The following APOB variants were observed in gnomAD, a reference collection of about 807,000 sequenced individuals.
APOB encodes apolipoprotein B-100.
APOB carries 153 observed loss-of-function variants against 314.1 expected under a neutral mutation model. The ratio of observed to expected loss-of-function variants is 0.49; its 90% CI spans 0.43 to 0.56. APOB has a LOEUF of 0.56. APOB is among the 20% of genes least tolerant of loss of function. The probability of loss-of-function intolerance (pLI) is 0.00; values close to 1 mark genes in which losing one functional copy is unlikely to be tolerated. For missense variants in APOB, 5,430 were observed against 5,350.7 expected (o/e 1.01, Z -0.46); for synonymous variants, 2,087 against 2,036.4 (o/e 1.02, Z -0.67).
chr2:21,012,039 C>A lies in APOB; in HGVS notation c.4829G>T (p.Arg1610Met). 6.2e-7 allele frequency: 1 copy of A among 1,614,174 alleles called. No individual in the cohort carries two copies. Among genetic ancestry groups the A allele is most frequent in the East Asian group, 2.2e-5 (1 of 44,876 alleles). ...SEYQADYESL[R>M]FFSLLSGSLN... ...TGATCCAGAAAGCAGGCTGAAGAAC[C>A]TCAATGACTCGTAATCAGCCTGATA... Residue 1610 changes from arginine to methionine, a missense_variant, in exon 26 of 29, where the codon AGG becomes ATG. Arg to Met is a moderately conservative substitution (Grantham distance 91). Transcript: ENST00000233242.
Position 21,044,013 on chromosome 2 carries a change from G to C in APOB, c.-68C>G, listed in dbSNP as rs1342759015. On this transcript the variant is annotated 5_prime_UTR_variant, in exon 1 of 29. Coordinates refer to ENST00000233242, the MANE Select transcript of APOB (RefSeq NM_000384.3). ...CGGCCTCGCGGCCCTGGCTGGCTGG[G>C]CGGGCTCCTCAGCGGCAGCAACCGA... 1.2e-6 allele frequency: 1 copy of C among 853,870 alleles called. No homozygotes were observed. The highest frequency in any genetic ancestry group is 1.5e-6 in the Non-Finnish European group (1 of 650,838). The allele number at this position is 853,870 out of a possible 1,614,324, so 52.9% of individuals were successfully genotyped here.
At chr2:21,041,208 C>A (rs570307344) in intron 3 of APOB, 125 bp from the exon 4 acceptor site, 394 of 942,420 alleles carry the variant, frequency 4.2e-4, no homozygotes, top group Non-Finnish European at 6.0e-4. Context: ...CCACTGCCTG[C>A]GCCTCAACAC....
chr2:21,038,077 G>T lies in APOB; in HGVS notation c.418C>A (p.Gln140Lys). The T allele has an allele frequency of 6.2e-7, 1 of 1,614,164 alleles. No individual in the cohort carries two copies. Among genetic ancestry groups the T allele is most frequent in the Non-Finnish European group, 8.5e-7 (1 of 1,180,034 alleles). ...TCTTTCTCCGGGTAAAGGAAAACCT[G>T]CTTCCCTTCTGGAATGGCCAGCTTG... ...ELKLAIPEGK[Q>K]VFLYPEKDEP... Residue 140 changes from glutamine (Q) to lysine (K), a missense_variant, in exon 5 of 29, where the codon CAG (glutamine) becomes AAG (lysine). By Grantham distance (53) the Gln-to-Lys change is moderately conservative. This residue lies in a region of APOB where 2,085 missense variants were observed against 2,079.7 expected (regional missense o/e 1.00). Coordinates refer to ENST00000233242, the MANE Select transcript of APOB (RefSeq NM_000384.3).
In APOB at chr2:21,032,452, G is replaced by A. The variant is rs985467277; in HGVS notation, c.1254C>T (p.Ile418=). 6.2e-7 allele frequency: 1 copy of A among 1,614,154 alleles called. No homozygotes were observed. The highest frequency in any genetic ancestry group is 8.5e-7 in the Non-Finnish European group (1 of 1,180,040). The part of the protein sequence containing the change: ...IDVVTYLVAL[I]PEPSAQQLRE... ...GCAGCTGCTGTGCTGAGGGCTCGGG[G>A]ATCAGGGCCACCAGGTAGGTGACCA... is the stretch of plus-strand genomic sequence containing the variant. Residue 418 remains isoleucine (I), a synonymous_variant, in exon 10 of 29, where the codon ATC becomes ATT. Transcript: ENST00000233242.
intron 25 of APOB, 105 bp from the exon 26 acceptor site, chr2:21,012,756 A>C: frequency 8.2e-7 from 1 of 1,217,842 alleles, no homozygotes; most frequent in Non-Finnish European, 1.2e-6. Flanking sequence ...TTCTGGGCCA[A>C]TTGTGCAATA....
chr2:21,022,806 A>T, intron 18 of APOB, 25 bp downstream of exon 18: 1 of 1,609,206 alleles, frequency 6.2e-7, no homozygotes, highest in Non-Finnish European at 8.5e-7. Context: ...CAAACTGGCT[A>T]GGCAGACTTG....
chr2:21,026,462 C>A (rs1413359176), intron 15 of APOB, among the ~76,000 whole-genome samples: 2 of 151,988 alleles, frequency 1.3e-5, no homozygotes, highest in African/African-American at 4.8e-5. Flanking sequence ...GTTGGCCAGG[C>A]TGGTCTCAAA....
chr2:21,016,749 C>T (rs1200865732), intron 20 of APOB, 100 bp from the exon 21 acceptor site: 14 of 775,370 alleles, frequency 1.8e-5, no homozygotes, highest in African/African-American at 5.1e-5. Context: ...CTTTGGGAGG[C>T]CAAGGCGGGC....
chr2:21,023,560 C>T lies in APOB; in HGVS notation c.2569G>A (p.Gly857Arg), dbSNP rs145580236. The T allele has an allele frequency of 2.9e-5, 47 of 1,614,034 alleles. No homozygotes were observed. The highest frequency in any genetic ancestry group is 2.7e-4 in the East Asian group (12 of 44,880). Residue 857 changes from glycine to arginine, a missense_variant, in exon 17 of 29, where the codon GGA becomes AGA. Coordinates refer to ENST00000233242, the MANE Select transcript of APOB (RefSeq NM_000384.3). ...TCCAGTTTTACTCCAGCCTTGGCTC[C>T]GGGAGCAATGACTCCAGATGAAGAT... Reference protein sequence around the residue: ...QISSSGVIAPGAKAGVKLEVA... With the variant: ...QISSSGVIAPRAKAGVKLEVA...
At chr2:21,031,831 C>T (rs540206046) in intron 10 of APOB, among the ~76,000 whole-genome samples, 2 of 151,806 alleles carry the variant, frequency 1.3e-5, no homozygotes, top group African/African-American at 4.8e-5. Flanking sequence ...GCCTGGGTGA[C>T]ACAGTGAGAC....
chr2:21,042,298 C>T lies in APOB; in HGVS notation c.237+63G>A, dbSNP rs1558577731. On this transcript the variant is annotated intron_variant, in intron 3 of 28. Coordinates refer to ENST00000233242, the MANE Select transcript of APOB (RefSeq NM_000384.3). ...CCGGGAAGGTCGCGTGTTGGGCGCC[C>T]GCTGGAACAGGGCTGGGGGAAAGCT... 14 of 1,353,150 alleles carry T rather than the reference C, an allele frequency of 1.0e-5. No individual in the cohort carries two copies. The South Asian group carries it at 1.4e-4, about 14-fold the overall frequency. The allele number at this position is 1,353,150 out of a possible 1,614,324, so 83.8% of individuals were successfully genotyped here. A position where few individuals can be genotyped will look rare whatever the true frequency, so the allele number is the denominator to read the frequency against.
At chr2:21,014,427 C>A in intron 24 of APOB, 21 bp downstream of exon 24, 1 of 1,613,884 alleles carries the variant, frequency 6.2e-7, no homozygotes, top group Non-Finnish European at 8.5e-7. Context: ...TTCAAGAAGC[C>A]TTGCTGCTTT....
In APOB at chr2:21,020,572, G is replaced by A. The variant is rs12713998; in HGVS notation, c.2817-667C>T. The stretch of plus-strand genomic sequence containing the variant: ...TCCCAGAAGCCTTCCATAGAGTTGC[G>A]CACTCATGACCAGACTAAGACGCTG... On this transcript the variant is annotated intron_variant, in intron 18 of 28. Transcript: ENST00000233242. Among the ~76,000 whole-genome samples, 1,310 of 152,262 alleles carry A rather than the reference G, an allele frequency of 8.6e-3. 20 individuals carry two copies. Among genetic ancestry groups the A allele is most frequent in the African/African-American group, 0.029 (1,212 of 41,526 alleles).
Position 21,019,099 on chromosome 2 carries a change from A to G in APOB, c.3014T>C (p.Leu1005Pro). The change falls in exon 20 of 29, where the codon CTG becomes CCG. Residue 1005 changes from leucine to proline, a missense_variant. Leu to Pro is a moderately conservative substitution (Grantham distance 98, BLOSUM62 -3). This residue lies in a region of APOB where 2,085 missense variants were observed against 2,079.7 expected (regional missense o/e 1.00). Transcript: ENST00000233242. ...CTGCTCAATCTCTCCTGTAGGCCTCAGTTCCAGCTCTAATCTAAAGACATT... is the reference window on the plus strand; with the variant it reads ...CTGCTCAATCTCTCCTGTAGGCCTCGGTTCCAGCTCTAATCTAAAGACATT... ...LTGDTRLELE[L>P]RPTGEIEQYS... is the part of the protein sequence containing the mutation. 1.2e-6 allele frequency: 2 copies of G among 1,614,126 alleles called. No homozygotes were observed. Among genetic ancestry groups the G allele is most frequent in the Non-Finnish European group, 1.7e-6 (2 of 1,180,010 alleles).
Position 21,007,321 on chromosome 2 carries a change from T to C in APOB, c.9547A>G (p.Arg3183Gly). ...GCCAAAGGATTTGTGATGGAATGCC[T>C]GTGTTTGTTTTTCTTATACTGAGCT... ...VKAQYKKNKH[R>G]HSITNPLAVL... The change falls in exon 26 of 29, where the codon AGG becomes GGG. Residue 3183 changes from arginine (R) to glycine (G), a missense_variant. Physicochemically the swap from Arg to Gly is moderately radical, Grantham distance 125 (BLOSUM62 -2). Coordinates refer to ENST00000233242, the MANE Select transcript of APOB (RefSeq NM_000384.3). The C allele has an allele frequency of 6.2e-7, 1 of 1,614,030 alleles. No individual in the cohort carries two copies. Among genetic ancestry groups the C allele is most frequent in the Middle Eastern group, 1.7e-4 (1 of 6,054 alleles).
At position 21,040,991 on chromosome 2, in the gene APOB, T is replaced by G; in HGVS notation, c.330A>C (p.Lys110Asn). The change falls in exon 4 of 29, where the codon AAA (lysine) becomes AAC (asparagine). Residue 110 changes from lysine (K) to asparagine (N), a missense_variant. Coordinates refer to ENST00000233242, the MANE Select transcript of APOB (RefSeq NM_000384.3). ...KEVYGFNPEG[K>N]ALLKKTKNSE... ...AGTTCTTGGTTTTCTTCAGCAAGGCTTTGCCCTCAGGGTTGAAGCCATACA... is the reference window on the plus strand; with the variant it reads ...AGTTCTTGGTTTTCTTCAGCAAGGCGTTGCCCTCAGGGTTGAAGCCATACA... The G allele has an allele frequency of 4.3e-6, 7 of 1,614,018 alleles. No homozygotes were observed. The highest frequency in any genetic ancestry group is 5.1e-6 in the Non-Finnish European group (6 of 1,180,004).
intron 3 of APOB, 26 bp downstream of exon 3, chr2:21,042,335 G>T: frequency 1.9e-6 from 3 of 1,572,578 alleles, no homozygotes; most frequent in Non-Finnish European, 2.6e-6. Context: ...TGGGCTCTAG[G>T]TCCCTCCTGC....
chr2:21,016,417 G>C, intron 21 of APOB, 22 bp downstream of exon 21: 1 of 1,375,754 alleles, frequency 7.3e-7, no homozygotes, highest in Non-Finnish European at 1.0e-6. Flanking sequence ...GTGCAGGTCA[G>C]ATGACCCTCG....
At position 21,001,715 on chromosome 2, in the gene APOB, A is replaced by G; in HGVS notation, c.*15T>C. On this transcript the variant is annotated 3_prime_UTR_variant, in exon 29 of 29. Transcript: ENST00000233242. ...AATTGGAAAAGAAGAATAAATGAAG[A>G]TTTCTTTTAAAAAATTAGAGGATGA... is the stretch of plus-strand genomic sequence containing the variant. The G allele has an allele frequency of 1.9e-6, 3 of 1,611,612 alleles. No individual in the cohort carries two copies. Among genetic ancestry groups the G allele is most frequent in the Non-Finnish European group, 2.5e-6 (3 of 1,178,152 alleles).
Sources: gnomAD v4.1 joint callset for allele counts (sites outside exome capture counted in the v4.1 genomes callset) on GRCh38, gnomAD v4.1.1 for gene constraint, gnomAD v4.1.1 regional missense constraint, MANE v1.5 for transcripts, NCBI Gene and HGNC (gene_info 2026-07-23, HGNC 2026-07-21) for gene names.